Variants in UTRN observed in about 807,000 individuals in gnomAD.
UTRN encodes utrophin.
In UTRN, 283 loss-of-function variants were observed where a neutral mutation model predicts 463.9. The ratio of observed to expected loss-of-function variants is 0.61; its 90% CI spans 0.55 to 0.67. The LOEUF (loss-of-function observed/expected upper bound fraction) is 0.67. UTRN is among the 30% of genes least tolerant of loss of function. The pLI is 0.00. For missense variants in UTRN, 3,922 were observed against 4,084.3 expected (o/e 0.96, Z 1.08); for synonymous variants, 1,442 against 1,431.5 (o/e 1.01, Z -0.17).
chr6:144,388,112 TAA>T (rs891061236), intron 2 of UTRN, among the ~76,000 whole-genome samples: 2 of 152,208 alleles, frequency 1.3e-5, no homozygotes, highest in Non-Finnish European at 2.9e-5. Flanking sequence ...TAATAGAATA[TAA>T]GAGTCACTCA....
In UTRN at chr6:144,852,059, G is replaced by A. The variant is rs1359547419; in HGVS notation, c.*1062G>A. On this transcript the variant is annotated 3_prime_UTR_variant, in exon 75 of 75. Transcript: ENST00000367545. ...TATTTTCAAGTCCTTAATAGTTCTT[G>A]AAACTCCTAGTTGTTTTCTTGTTGA... 1 of 152,094 alleles carries A rather than the reference G, an allele frequency of 6.6e-6. No homozygotes were observed. The highest frequency in any genetic ancestry group is 1.5e-5 in the Non-Finnish European group (1 of 68,000). The allele number at this position is 152,094 out of a possible 1,614,324, so 9.4% of individuals were successfully genotyped here.
At chr6:144,805,301 G>A (rs117019934) in intron 65 of UTRN, among the ~76,000 whole-genome samples, 24 of 152,236 alleles carry the variant, frequency 1.6e-4, no homozygotes, top group Middle Eastern at 3.4e-3. Context: ...ACAAGGAAAC[G>A]AATAAATGGG....
chr6:144,643,494 G>C (rs914753990), intron 51 of UTRN, among the ~76,000 whole-genome samples: 1 of 152,084 alleles, frequency 6.6e-6, no homozygotes, highest in Non-Finnish European at 1.5e-5. Flanking sequence ...GTTTTGTTTT[G>C]TTAAAAATTT....
intron 60 of UTRN, among the ~76,000 whole-genome samples, chr6:144,777,802 G>C (rs905813799): frequency 2.6e-5 from 4 of 152,164 alleles, no homozygotes; most frequent in Admixed American, 2.6e-4. Context: ...CAGTTAATTG[G>C]GGATAAGAAG....
At chr6:144,448,053 A>G (rs1288049086) in intron 16 of UTRN, among the ~76,000 whole-genome samples, 20 of 152,246 alleles carry the variant, frequency 1.3e-4, no homozygotes, top group Non-Finnish European at 2.9e-5. Flanking sequence ...AATCTTAAAA[A>G]TATTTTAATG....
intron 54 of UTRN, among the ~76,000 whole-genome samples, chr6:144,747,770 C>T (rs1339098385): frequency 6.6e-6 from 1 of 152,118 alleles, no homozygotes; most frequent in African/African-American, 2.4e-5. Context: ...TATTTGTCTT[C>T]AGTATTTATT....
chr6:144,507,270 T>G (rs1031472813), intron 34 of UTRN, among the ~76,000 whole-genome samples: 2 of 152,162 alleles, frequency 1.3e-5, no homozygotes, highest in South Asian at 2.1e-4. Flanking sequence ...CTTCTGTCAA[T>G]TCATCAAACT....
At chr6:144,654,032 A>G (rs553464536) in intron 51 of UTRN, among the ~76,000 whole-genome samples, 93 of 152,216 alleles carry the variant, frequency 6.1e-4, no homozygotes, top group Non-Finnish European at 1.2e-3. Flanking sequence ...CGGTACAGAA[A>G]GTAAATATGA....
chr6:144,522,998 A>T lies in UTRN; in HGVS notation c.5734-18A>T. On this transcript the variant is annotated intron_variant, in intron 40 of 74. Coordinates refer to ENST00000367545, the MANE Select transcript of UTRN (RefSeq NM_007124.3). ...TTACTTTGCTGGATTTTGTTAATCTATGACAATATATTTTTAGAATATCAA... is the reference window on the plus strand; with the variant it reads ...TTACTTTGCTGGATTTTGTTAATCTTTGACAATATATTTTTAGAATATCAA... 1 of 1,560,554 alleles carries T rather than the reference A, an allele frequency of 6.4e-7. No individual in the cohort carries two copies. The highest frequency in any genetic ancestry group is 1.2e-5 in the South Asian group (1 of 81,498).
At chr6:144,386,172 A>T (rs1045113341) in intron 2 of UTRN, among the ~76,000 whole-genome samples, 1 of 152,160 alleles carries the variant, frequency 6.6e-6, no homozygotes, top group Non-Finnish European at 1.5e-5. Context: ...TAAAAAATTC[A>T]TTAGTAAGGC....
intron 27 of UTRN, 95 bp from the exon 28 acceptor site, chr6:144,485,290 A>C: frequency 6.6e-7 from 1 of 1,523,374 alleles, no homozygotes; most frequent in South Asian, 1.3e-5. Context: ...ACTCACATCC[A>C]AATGAAATTA....
intron 51 of UTRN, among the ~76,000 whole-genome samples, chr6:144,592,835 T>G (rs1283285237): frequency 6.6e-6 from 1 of 152,218 alleles, no homozygotes; most frequent in Non-Finnish European, 1.5e-5. Flanking sequence ...CATAACCCTG[T>G]TATAGAATAT....
intron 65 of UTRN, among the ~76,000 whole-genome samples, chr6:144,810,530 G>A (rs1778516040): frequency 6.6e-6 from 1 of 152,134 alleles, no homozygotes; most frequent in Admixed American, 6.6e-5. Flanking sequence ...TATGCATATA[G>A]TGAGGTACAG....
intron 54 of UTRN, among the ~76,000 whole-genome samples, chr6:144,732,230 A>G (rs1180394680): frequency 4.9e-4 from 14 of 28,834 alleles, no homozygotes; most frequent in African/African-American, 1.1e-3. Context: ...ATATATATAT[A>G]TATATATACA....
intron 53 of UTRN, among the ~76,000 whole-genome samples, chr6:144,723,744 G>A (rs1787479974): frequency 6.6e-6 from 1 of 152,072 alleles, no homozygotes; most frequent in African/African-American, 2.4e-5. Context: ...GCTTACATCT[G>A]TAATCCCAGC....
At chr6:144,383,695 A>G (rs112269288) in intron 2 of UTRN, among the ~76,000 whole-genome samples, 7 of 152,326 alleles carry the variant, frequency 4.6e-5, no homozygotes, top group Non-Finnish European at 7.3e-5. Flanking sequence ...AGGGAAAAAA[A>G]ATGGGATTAA....
intron 2 of UTRN, among the ~76,000 whole-genome samples, chr6:144,305,280 A>G (rs1366186190): frequency 6.6e-6 from 1 of 152,248 alleles, no homozygotes; most frequent in Non-Finnish European, 1.5e-5. Flanking sequence ...TACTGTATAT[A>G]AAGCTCATAT....
At chr6:144,498,344 A>G (rs1793853702) in intron 33 of UTRN, among the ~76,000 whole-genome samples, 1 of 152,232 alleles carries the variant, frequency 6.6e-6, no homozygotes, top group African/African-American at 2.4e-5. Flanking sequence ...TTAGCACAAC[A>G]CGGAAGCTGT....
rs1273985819 is a variant in UTRN at position 144,789,049 on chromosome 6, T to G, written c.8835-145T>G. On this transcript the variant is annotated intron_variant, in intron 61 of 74. Coordinates refer to ENST00000367545, the MANE Select transcript of UTRN (RefSeq NM_007124.3). ...ATTACAGTATTGGTTTAATATTAAT[T>G]GTTAAAAGTTAATAGAAAAGTTGCA... The G allele has an allele frequency of 3.9e-5, 25 of 642,846 alleles. No homozygotes were observed. The East Asian group carries it at 6.9e-4, about 18-fold the overall frequency. The allele number at this position is 642,846 out of a possible 1,614,324, so 39.8% of individuals were successfully genotyped here.
Sources: allele counts gnomAD v4.1 joint callset (sites outside exome capture counted in the v4.1 genomes callset), GRCh38; gene constraint gnomAD v4.1.1; transcripts MANE v1.5; gene names NCBI Gene and HGNC (gene_info 2026-07-23, HGNC 2026-07-21).